The following KLHL15 variants were observed in gnomAD, a reference collection of about 807,000 sequenced individuals.
KLHL15 encodes the protein kelch-like protein 15.
KLHL15 carries 1 observed loss-of-function variant against 29.3 expected under a neutral mutation model. The observed-to-expected ratio is 0.03, with a 90% CI of 0.01 to 0.16. The LOEUF is 0.16. KLHL15 is among the 10% of genes least tolerant of loss of function. The pLI is 1.00. For missense variants in KLHL15, 215 were observed against 478.5 expected (o/e 0.45, Z 5.14); for synonymous variants, 212 against 184.5 (o/e 1.15, Z -1.21).
chrX:24,002,903 T>A (rs1350075885), intron 3 of KLHL15, among the ~76,000 whole-genome samples: 1 of 112,961 alleles, frequency 8.9e-6, no homozygotes, highest in Non-Finnish European at 1.9e-5. Context: ...GCTGGGATTA[T>A]AGGCGTAAAC....
intron 3 of KLHL15, among the ~76,000 whole-genome samples, chrX:23,995,655 G>A (rs1929173077): frequency 9.0e-6 from 1 of 110,989 alleles, no homozygotes; most frequent in South Asian, 3.8e-4. Flanking sequence ...TTGAACTCGT[G>A]ACATCATGAT....
intron 3 of KLHL15, among the ~76,000 whole-genome samples, chrX:23,996,231 CA>C (rs1024958671): frequency 2.3e-4 from 26 of 111,640 alleles, no homozygotes; most frequent in Non-Finnish European, 4.5e-4. Flanking sequence ...TTTCTACATC[CA>C]AAAAATGCTA....
chrX:24,004,221 T>G (rs1929396199), intron 3 of KLHL15, among the ~76,000 whole-genome samples: 1 of 110,899 alleles, frequency 9.0e-6, no homozygotes, highest in African/African-American at 3.3e-5. Flanking sequence ...CCAGGCATGG[T>G]GGTGGGTAAC....
At chrX:24,018,758 T>G (rs1485621217) in intron 2 of KLHL15, among the ~76,000 whole-genome samples, 1 of 111,464 alleles carries the variant, frequency 9.0e-6, no homozygotes, top group Non-Finnish European at 1.9e-5. Flanking sequence ...TCCTAGCACC[T>G]TGGGAGGTAG....
intron 3 of KLHL15, among the ~76,000 whole-genome samples, chrX:23,998,304 TGGAGTGCAGTGGCGCG>T (rs1929236544): frequency 9.1e-6 from 1 of 110,437 alleles, no homozygotes; most frequent in Non-Finnish European, 1.9e-5. Flanking sequence ...TTGCCCAGGC[TGGAGTGCAGTGGCGCG>T]ATCTTGGCTC....
At chrX:24,022,569 G>A (rs1454259827) in intron 2 of KLHL15, among the ~76,000 whole-genome samples, 1 of 106,619 alleles carries the variant, frequency 9.4e-6, no homozygotes, top group Non-Finnish European at 1.9e-5. Context: ...GGGAGGTGGA[G>A]GTTCCAATGA....
At chrX:24,003,179 C>T (rs753650180) in intron 3 of KLHL15, among the ~76,000 whole-genome samples, 20 of 111,904 alleles carry the variant, frequency 1.8e-4, no homozygotes, top group Non-Finnish European at 2.8e-4. Flanking sequence ...TCAGTCTGGA[C>T]AGTGCCACTT....
chrX:24,004,824 ATAATT>A (rs1929415076), intron 3 of KLHL15, among the ~76,000 whole-genome samples: 1 of 110,726 alleles, frequency 9.0e-6, no homozygotes, highest in Non-Finnish European at 1.9e-5. Flanking sequence ...ATACATATAT[ATAATT>A]TAGTTTCAAT....
chrX:24,018,648 T>C (rs1929741447), intron 2 of KLHL15, among the ~76,000 whole-genome samples: 1 of 111,447 alleles, frequency 9.0e-6, no homozygotes, highest in African/African-American at 3.3e-5. Flanking sequence ...TCCTAAAAGA[T>C]CCCAGTCCCC....
intron 3 of KLHL15, among the ~76,000 whole-genome samples, chrX:23,990,416 A>T (rs1929058676): frequency 1.8e-5 from 2 of 111,257 alleles, no homozygotes; most frequent in South Asian, 7.5e-4. Flanking sequence ...AAGATATAAG[A>T]AGTAGGGGAC....
At chrX:23,997,960 C>T (rs1043491056) in intron 3 of KLHL15, among the ~76,000 whole-genome samples, 2 of 108,789 alleles carry the variant, frequency 1.8e-5, no homozygotes, top group East Asian at 5.8e-4. Flanking sequence ...AATAAGCCTC[C>T]GAGGTAGAAA....
rs371103781 is a variant in KLHL15 at position 23,989,049 on chromosome X, G to A, written c.706-19C>T. 1.2e-5 allele frequency: 14 copies of A among 1,151,750 alleles called. No individual in the cohort carries two copies. Among genetic ancestry groups the A allele is most frequent in the Non-Finnish European group, 1.6e-5 (14 of 861,384 alleles). The allele number at this position is 1,151,750 out of a possible 1,213,427, so 94.9% of individuals were successfully genotyped here. On this transcript the variant is annotated intron_variant, in intron 3 of 3. Transcript: ENST00000328046. ...TCTTAACCTAAGAACACAAGAAAAA[G>A]AATTTAACCAAAGGAAAAAGCATCA...
chrX:24,024,919 G>T lies in KLHL15; in HGVS notation c.-70C>A, dbSNP rs1201922002. The T allele has an allele frequency of 6.7e-6, 2 of 296,850 alleles. No individual in the cohort carries two copies. Among genetic ancestry groups the T allele is most frequent in the Non-Finnish European group, 1.2e-5 (2 of 169,959 alleles). 24.5% of individuals were successfully genotyped at this position (296,850 alleles called of 1,213,427 possible). On this transcript the variant is annotated 5_prime_UTR_variant, in exon 2 of 4. Transcript: ENST00000328046. Reference sequence around the variant, plus strand: ...CTGCATCAGGAAGAACCGGGCCAGCGGGCCGATGGGTGGGCGGTCGGGCGC... The same window carrying T: ...CTGCATCAGGAAGAACCGGGCCAGCTGGCCGATGGGTGGGCGGTCGGGCGC...
intron 3 of KLHL15, among the ~76,000 whole-genome samples, chrX:24,000,244 G>C (rs1929286008): frequency 9.0e-6 from 1 of 111,500 alleles, no homozygotes; most frequent in Non-Finnish European, 1.9e-5. Flanking sequence ...CCAGCACTTT[G>C]GGAGGCTGAG....
Position 23,987,849 on chromosome X carries a change from T to C in KLHL15, c.*72A>G. 1 of 990,052 alleles carries C rather than the reference T, an allele frequency of 1.0e-6. No homozygotes were observed. Among genetic ancestry groups the C allele is most frequent in the Non-Finnish European group, 1.4e-6 (1 of 726,751 alleles). 81.6% of individuals were successfully genotyped at this position (990,052 alleles called of 1,213,427 possible). On this transcript the variant is annotated 3_prime_UTR_variant, in exon 4 of 4. Coordinates refer to ENST00000328046, the MANE Select transcript of KLHL15 (RefSeq NM_030624.3). ...TAGTAAAACTGGTGAGGTTTTTCTT[T>C]ATATGTTTTAATTAATTACTCTGTG...
At chrX:23,992,556 C>A (rs1569264931) in intron 3 of KLHL15, among the ~76,000 whole-genome samples, 1 of 111,468 alleles carries the variant, frequency 9.0e-6, no homozygotes, top group African/African-American at 3.3e-5. Context: ...GTTTGGAGAT[C>A]AAAAAACAAA....
At chrX:23,997,015 T>G (rs1488081299) in intron 3 of KLHL15, among the ~76,000 whole-genome samples, 3 of 112,021 alleles carry the variant, frequency 2.7e-5, no homozygotes, top group Non-Finnish European at 5.6e-5. Context: ...AGATAAATCG[T>G]AGTAAGAATT....
rs765788220 is a variant in KLHL15, at chrX:23,994,974, G to A, written c.706-5944C>T. On this transcript the variant is annotated intron_variant, in intron 3 of 3. Transcript: ENST00000328046. ...TTACCAGCATGAGCCACCTTGCCCA[G>A]CCTGAAAATGTAAATTGTCCATTTC... 7.2e-5 allele frequency among the ~76,000 whole-genome samples: 8 copies of A among 111,285 alleles called. No individual in the cohort carries two copies. The South Asian group carries it at 3.0e-3, about 42-fold the overall frequency.
chrX:24,010,325 G>T (rs1271563065), intron 2 of KLHL15, among the ~76,000 whole-genome samples: 1 of 111,605 alleles, frequency 9.0e-6, no homozygotes, highest in Non-Finnish European at 1.9e-5. Context: ...TCTTACCAGG[G>T]CCTTCATTTC....
Sources: gnomAD v4.1 joint callset for allele counts (sites outside exome capture counted in the v4.1 genomes callset) on GRCh38, gnomAD v4.1.1 for gene constraint, MANE v1.5 for transcripts, NCBI Gene and HGNC (gene_info 2026-07-23, HGNC 2026-07-21) for gene names.